The following GLG1 variants were observed in gnomAD, a reference collection of about 807,000 sequenced individuals.
GLG1 encodes the protein golgi glycoprotein 1, also known as Golgi apparatus protein 1.
Under a neutral mutation model 160.5 loss-of-function variants are expected in GLG1, and 38 were observed. The ratio of observed to expected loss-of-function variants is 0.24; its 90% CI spans 0.18 to 0.31. The LOEUF is 0.31. Ranked by LOEUF, GLG1 falls within the 10% of genes least tolerant of loss-of-function variation. The probability of loss-of-function intolerance (pLI) is 1.00; values close to 1 mark genes in which losing one functional copy is unlikely to be tolerated. For missense variants in GLG1, 1,373 were observed against 1,505.2 expected, an observed-to-expected ratio of 0.91 and a Z score of 1.45; for synonymous variants, 644 against 543.4, an observed-to-expected ratio of 1.19 and a Z score of -2.57.
chr16:74,450,352 T>G lies in GLG1; in HGVS notation c.*2815A>C, dbSNP rs1459916227. 1 of 152,210 alleles carries G rather than the reference T, an allele frequency of 6.6e-6. No individual in the cohort carries two copies. Among genetic ancestry groups the G allele is most frequent in the African/African-American group, 2.4e-5 (1 of 41,458 alleles). 9.4% of individuals were successfully genotyped at this position (152,210 alleles called of 1,614,324 possible). A position where few individuals can be genotyped will look rare whatever the true frequency, so the allele number is the denominator to read the frequency against. On this transcript the variant is annotated 3_prime_UTR_variant, in exon 26 of 26. Coordinates refer to ENST00000422840, the MANE Select transcript of GLG1 (RefSeq NM_001145667.2). The stretch of plus-strand genomic sequence containing the variant: ...GGGTGCCCCAGGCCCTGTTTTGTTT[T>G]GCCAAATGAGGGACTTAATGAGTGC...
At chr16:74,495,745 C>A (rs1172301113) in intron 5 of GLG1, among the ~76,000 whole-genome samples, 1 of 152,082 alleles carries the variant, frequency 6.6e-6, no homozygotes, top group African/African-American at 2.4e-5. Context: ...AAATAAAATT[C>A]CTATAGATAA....
chr16:74,455,497 G>T (rs28484753), intron 25 of GLG1, among the ~76,000 whole-genome samples: 3 of 152,066 alleles, frequency 2.0e-5, no homozygotes, highest in Non-Finnish European at 2.9e-5. Flanking sequence ...CTGAGCCACC[G>T]GCTTTAAAGG....
chr16:74,533,229 G>A (rs1001992421), intron 1 of GLG1, among the ~76,000 whole-genome samples: 5 of 152,004 alleles, frequency 3.3e-5, no homozygotes, highest in Non-Finnish European at 5.9e-5. Context: ...GCAGAGGCAG[G>A]AGAATCGCAT....
At chr16:74,507,606 T>C (rs1336431243) in intron 3 of GLG1, among the ~76,000 whole-genome samples, 1 of 151,980 alleles carries the variant, frequency 6.6e-6, no homozygotes, top group Non-Finnish European at 1.5e-5. Flanking sequence ...CCTGGTGGCA[T>C]GTGCCTGTAA....
intron 2 of GLG1, among the ~76,000 whole-genome samples, chr16:74,525,291 T>A (rs1192236371): frequency 6.6e-6 from 1 of 152,202 alleles, no homozygotes; most frequent in Non-Finnish European, 1.5e-5. Context: ...CCAACATTTG[T>A]TAATTGTCCA....
rs968013954 is a variant in GLG1, at chr16:74,606,813, C to A, written c.282G>T (p.Ala94=). 2 of 1,602,622 alleles carry A rather than the reference C, an allele frequency of 1.2e-6. No homozygotes were observed. Among genetic ancestry groups the A allele is most frequent in the Non-Finnish European group, 1.7e-6 (2 of 1,174,780 alleles). The part of the protein sequence containing the change: ...QPQPPQPPFP[A]GGPPARRGGA... ...CTCCCCGCCGGGCCGGAGGCCCACC[C>A]GCCGGGAAAGGCGGCTGCGGCGGCT... The change falls in exon 1 of 26, where the codon GCG becomes GCT. Residue 94 remains alanine (A), a synonymous_variant. Transcript: ENST00000422840.
At chr16:74,535,828 A>G (rs544516571) in intron 1 of GLG1, among the ~76,000 whole-genome samples, 35 of 152,332 alleles carry the variant, frequency 2.3e-4, no homozygotes, top group Admixed American at 1.6e-3. Flanking sequence ...TTTGAGATTC[A>G]TGGAACCAAA....
intron 1 of GLG1, among the ~76,000 whole-genome samples, chr16:74,543,693 A>C (rs1176457979): frequency 6.6e-6 from 1 of 152,196 alleles, no homozygotes; most frequent in Admixed American, 6.5e-5. Flanking sequence ...AAATATTAAC[A>C]AAGATGCAAT....
intron 4 of GLG1, among the ~76,000 whole-genome samples, chr16:74,498,859 C>T (rs1331111747): frequency 2.4e-5 from 2 of 84,696 alleles, no homozygotes; most frequent in African/African-American, 9.2e-5. Context: ...GAGTGAACTC[C>T]GTCTCAGGCA....
intron 1 of GLG1, among the ~76,000 whole-genome samples, chr16:74,589,266 AAAAG>A (rs899670422): frequency 1.3e-5 from 2 of 152,132 alleles, no homozygotes; most frequent in African/African-American, 4.8e-5. Flanking sequence ...CAAAAAAAAA[AAAAG>A]AACAATTATG....
intron 1 of GLG1, among the ~76,000 whole-genome samples, chr16:74,547,018 T>A (rs1441110113): frequency 2.6e-5 from 4 of 152,116 alleles, no homozygotes; most frequent in Non-Finnish European, 2.9e-5. Flanking sequence ...TTGCTAGAAC[T>A]GTCCCCGCTT....
chr16:74,464,623 G>C (rs996912764), intron 19 of GLG1, among the ~76,000 whole-genome samples: 3 of 152,106 alleles, frequency 2.0e-5, no homozygotes, highest in African/African-American at 7.2e-5. Context: ...GACATGGATT[G>C]TTCACTGACT....
chr16:74,583,504 C>T (rs1017404526), intron 1 of GLG1, among the ~76,000 whole-genome samples: 1 of 152,050 alleles, frequency 6.6e-6, no homozygotes, highest in East Asian at 1.9e-4. Flanking sequence ...CCTCAACTCC[C>T]TAGTAGCTGG....
At chr16:74,561,011 G>C (rs1012135534) in intron 1 of GLG1, among the ~76,000 whole-genome samples, 6 of 152,256 alleles carry the variant, frequency 3.9e-5, no homozygotes, top group African/African-American at 1.4e-4. Flanking sequence ...AAGAGATATA[G>C]TCTGGCACCA....
At chr16:74,511,230 G>A (rs1161659553) in intron 2 of GLG1, among the ~76,000 whole-genome samples, 2 of 152,092 alleles carry the variant, frequency 1.3e-5, no homozygotes, top group African/African-American at 4.8e-5. Context: ...ATGGAAGCAT[G>A]CAGTTAATTC....
intron 10 of GLG1, among the ~76,000 whole-genome samples, chr16:74,481,792 CT>C (rs534783343): frequency 0.019 from 2,820 of 149,168 alleles, 36 homozygotes; most frequent in Non-Finnish European, 0.028. Flanking sequence ...AGTGAATCTC[CT>C]TTTTTTTTTG....
chr16:74,511,028 G>T (rs2016787232), intron 2 of GLG1, among the ~76,000 whole-genome samples: 1 of 152,138 alleles, frequency 6.6e-6, no homozygotes, highest in Non-Finnish European at 1.5e-5. Flanking sequence ...GCAAGGGGTG[G>T]AGGGAACCAG....
At chr16:74,509,765 C>T (rs959815833) in intron 2 of GLG1, among the ~76,000 whole-genome samples, 3 of 150,862 alleles carry the variant, frequency 2.0e-5, no homozygotes, top group East Asian at 2.0e-4. Flanking sequence ...AGGAGAACGG[C>T]GTGAACACCG....
intron 22 of GLG1, chr16:74,461,806 T>C (rs1259885165): frequency 3.9e-6 from 1 of 256,652 alleles, no homozygotes; most frequent in East Asian, 8.1e-5. Flanking sequence ...GTCTTGGGTT[T>C]ACCATCCAGA....
Sources: allele counts gnomAD v4.1 joint callset (sites outside exome capture counted in the v4.1 genomes callset), GRCh38; gene constraint gnomAD v4.1.1; transcripts MANE v1.5; gene names NCBI Gene and HGNC (gene_info 2026-07-23, HGNC 2026-07-21).